Variants in LPIN2 observed in about 807,000 individuals in gnomAD.
LPIN2 encodes the protein lipin 2, also known as phosphatidate phosphatase LPIN2.
In LPIN2, 55 loss-of-function variants were observed where a neutral mutation model predicts 111.4. The observed-to-expected ratio is 0.49, with a 90% CI of 0.40 to 0.62. LPIN2 has a LOEUF of 0.62. Ranked by LOEUF, LPIN2 falls within the 20% of genes least tolerant of loss-of-function variation. The pLI, the probability that LPIN2 is intolerant of heterozygous loss-of-function variation, is 0.00. For synonymous variants in LPIN2, 425 were observed against 414.0 expected (o/e 1.03, Z -0.32); for missense variants, 992 against 1,112.1 (o/e 0.89, Z 1.54).
chr18:2,966,210 T>A (rs773414684), intron 1 of LPIN2, among the ~76,000 whole-genome samples: 3 of 152,220 alleles, frequency 2.0e-5, no homozygotes, highest in Non-Finnish European at 4.4e-5. Flanking sequence ...ATGTTGAGAT[T>A]ACAAGTGTGA....
chr18:3,002,900 C>T (rs1307503514), intron 1 of LPIN2, among the ~76,000 whole-genome samples: 3 of 152,204 alleles, frequency 2.0e-5, no homozygotes, highest in African/African-American at 4.8e-5. Flanking sequence ...CTACTTGATT[C>T]CTCTATGACA....
intron 1 of LPIN2, among the ~76,000 whole-genome samples, chr18:2,995,418 T>C (rs1389360149): frequency 6.6e-6 from 1 of 152,206 alleles, no homozygotes; most frequent in African/African-American, 2.4e-5. Flanking sequence ...TTGTCCCCAG[T>C]GTCTTCTCTT....
intron 2 of LPIN2, among the ~76,000 whole-genome samples, chr18:2,958,537 G>A (rs1399958114): frequency 3.3e-5 from 5 of 152,068 alleles, no homozygotes; most frequent in African/African-American, 4.8e-5. Context: ...CTCAAAGTAG[G>A]CATGATTTCA....
At chr18:3,002,388 A>T (rs1201526014) in intron 1 of LPIN2, among the ~76,000 whole-genome samples, 1 of 152,232 alleles carries the variant, frequency 6.6e-6, no homozygotes, top group Non-Finnish European at 1.5e-5. Context: ...AAGCTTATAG[A>T]AAAACATTAG....
chr18:2,942,257 G>T lies in LPIN2; in HGVS notation c.591-1545C>A, dbSNP rs182641949. Among the ~76,000 whole-genome samples the T allele has an allele frequency of 2.0e-3, 309 of 152,116 alleles. 2 individuals are homozygous for T. The highest frequency in any genetic ancestry group is 3.9e-3 in the Admixed American group (59 of 15,274). On this transcript the variant is annotated intron_variant, in intron 4 of 19. Transcript: ENST00000677752. Reference sequence around the variant, plus strand: ...ACTCTGGCATACCACTCATTGAAGGGGAGAAAACATATACCTGAGAAAGAC... The same window carrying T: ...ACTCTGGCATACCACTCATTGAAGGTGAGAAAACATATACCTGAGAAAGAC...
At chr18:2,990,777 C>A (rs2078253654) in intron 1 of LPIN2, 1 of 374,230 alleles carries the variant, frequency 2.7e-6, no homozygotes, top group East Asian at 6.2e-5. Flanking sequence ...AGGCTCAGAG[C>A]CTGACTGACA....
At chr18:2,987,907 C>T (rs948665717) in intron 1 of LPIN2, among the ~76,000 whole-genome samples, 1 of 150,074 alleles carries the variant, frequency 6.7e-6, no homozygotes, top group Non-Finnish European at 1.5e-5. Flanking sequence ...AGTGTGGTGG[C>T]TCACGCCTGT....
At position 2,918,757 on chromosome 18, in the gene LPIN2, C is replaced by T. The variant is rs575378446; in HGVS notation, c.*1536G>A. ...AATCAGTCAGGGACTTTCAACTCTC[C>T]AATCTGGAAAAATAACCACCCCTAT... is the stretch of plus-strand genomic sequence containing the variant. On this transcript the variant is annotated 3_prime_UTR_variant, in exon 20 of 20. Transcript: ENST00000677752. 2.6e-5 allele frequency: 4 copies of T among 152,288 alleles called. No individual in the cohort carries two copies. Among genetic ancestry groups the T allele is most frequent in the African/African-American group, 9.6e-5 (4 of 41,552 alleles). The allele number at this position is 152,288 out of a possible 1,614,324, so 9.4% of individuals were successfully genotyped here.
At chr18:3,012,480 A>G (rs985013172) in intron 1 of LPIN2, among the ~76,000 whole-genome samples, 1 of 127,486 alleles carries the variant, frequency 7.8e-6, no homozygotes, top group Non-Finnish European at 1.6e-5. Context: ...ACAAATTAAG[A>G]TCTGCACCGG....
At position 2,945,366 on chromosome 18, in the gene LPIN2, G is replaced by A. The variant is rs139681259; in HGVS notation, c.591-4654C>T. On this transcript the variant is annotated intron_variant, in intron 4 of 19. Coordinates refer to ENST00000677752, the MANE Select transcript of LPIN2 (RefSeq NM_001375808.2). ...ACGAATAATCAATCTTACATAACAC[G>A]AAAGAAAGATGAGAGGCACAAAAAG... 4.1e-3 allele frequency among the ~76,000 whole-genome samples: 623 copies of A among 152,212 alleles called. 7 individuals are homozygous for A. Among genetic ancestry groups the A allele is most frequent in the African/African-American group, 0.014 (579 of 41,528 alleles).
intron 3 of LPIN2, 128 bp from the exon 4 acceptor site, chr18:2,951,484 G>T (rs1007588684): frequency 1.2e-6 from 1 of 831,016 alleles, no homozygotes; most frequent in African/African-American, 1.7e-5. Context: ...CTAAAGGCAA[G>T]AAAGTCCCAC....
At chr18:3,000,196 T>C (rs2078414321) in intron 1 of LPIN2, among the ~76,000 whole-genome samples, 1 of 25,294 alleles carries the variant, frequency 4.0e-5, no homozygotes, top group South Asian at 1.8e-3. Context: ...GATAAAGGAA[T>C]GGGCAAAAGG....
intron 17 of LPIN2, 115 bp downstream of exon 17, chr18:2,921,932 G>C: frequency 7.3e-7 from 1 of 1,370,590 alleles, no homozygotes. Flanking sequence ...AAAGAACTGG[G>C]AGAGGCGTGG....
At position 2,988,012 on chromosome 18, in the gene LPIN2, CAAAAAAAAAAAAA is replaced by C. The variant is rs761121515; in HGVS notation, c.-10+25062_-10+25074del. Among the ~76,000 whole-genome samples, 10 of 32,348 alleles carry C rather than the reference CAAAAAAAAAAAAA, an allele frequency of 3.1e-4. No homozygotes were observed. The South Asian group carries it at 5.5e-3, about 18-fold the overall frequency. 21.2% of individuals were successfully genotyped at this position (32,348 alleles called of 152,430 possible). Reference sequence around the variant, plus strand: ...TGGGCGACAGAGTGAGAGACTGTCTCAAAAAAAAAAAAAAAAAAAAAAAAAAGAATCATCATGA... The same window carrying C: ...TGGGCGACAGAGTGAGAGACTGTCTCAAAAAAAAAAAAAGAATCATCATGA... On this transcript the variant is annotated intron_variant, in intron 1 of 19. Coordinates refer to ENST00000677752, the MANE Select transcript of LPIN2 (RefSeq NM_001375808.2).
At chr18:2,939,028 G>A (rs114219586) in intron 6 of LPIN2, among the ~76,000 whole-genome samples, 1 of 152,140 alleles carries the variant, frequency 6.6e-6, no homozygotes, top group Non-Finnish European at 1.5e-5. Context: ...GGGTGTGGTA[G>A]CACACACCTG....
rs554724634 is a variant in LPIN2 at position 2,919,437 on chromosome 18, A to G, written c.*856T>C. 3.9e-5 allele frequency: 6 copies of G among 152,352 alleles called. No homozygotes were observed. In the South Asian group the frequency reaches 6.2e-4, roughly 16 times the overall value. 9.4% of individuals were successfully genotyped at this position (152,352 alleles called of 1,614,324 possible). ...CCCACACCAGGCAGCAAGCAGAGGGATTCAGCGCTCTTCCCAGGACCCCAC... is the reference window on the plus strand; with the variant it reads ...CCCACACCAGGCAGCAAGCAGAGGGGTTCAGCGCTCTTCCCAGGACCCCAC... On this transcript the variant is annotated 3_prime_UTR_variant, in exon 20 of 20. Coordinates refer to ENST00000677752, the MANE Select transcript of LPIN2 (RefSeq NM_001375808.2).
At chr18:2,997,088 T>G (rs1465454939) in intron 1 of LPIN2, among the ~76,000 whole-genome samples, 1 of 151,950 alleles carries the variant, frequency 6.6e-6, no homozygotes, top group Non-Finnish European at 1.5e-5. Flanking sequence ...TTCAAGCAAT[T>G]CTCCTGCTTC....
At position 2,918,805 on chromosome 18, in the gene LPIN2, T is replaced by G. The variant is rs1441823946; in HGVS notation, c.*1488A>C. 1 of 152,226 alleles carries G rather than the reference T, an allele frequency of 6.6e-6. No individual in the cohort carries two copies. Among genetic ancestry groups the G allele is most frequent in the Non-Finnish European group, 1.5e-5 (1 of 68,046 alleles). 9.4% of individuals were successfully genotyped at this position (152,226 alleles called of 1,614,324 possible). On this transcript the variant is annotated 3_prime_UTR_variant, in exon 20 of 20. Transcript: ENST00000677752. ...TATTTCTCTATCTCTAGATCAGCAT[T>G]ATTTTAGGTGAAGCAAACTAAAACA...
At chr18:3,004,587 T>A (rs951628812) in intron 1 of LPIN2, among the ~76,000 whole-genome samples, 2 of 152,266 alleles carry the variant, frequency 1.3e-5, no homozygotes, top group East Asian at 3.9e-4. Context: ...AGTCACAGTG[T>A]ACACTTACTC....
Sources: gnomAD v4.1 joint callset for allele counts (sites outside exome capture counted in the v4.1 genomes callset) on GRCh38, gnomAD v4.1.1 for gene constraint, MANE v1.5 for transcripts, NCBI Gene and HGNC (gene_info 2026-07-23, HGNC 2026-07-21) for gene names.